The following PPARG variants were observed in gnomAD, a reference collection of about 807,000 sequenced individuals.
The protein encoded by PPARG is peroxisome proliferator activated receptor gamma.
A neutral mutation model predicts 39.2 loss-of-function variants in PPARG; 17 were observed. The ratio of observed to expected loss-of-function variants is 0.43; its 90% CI spans 0.30 to 0.65. The LOEUF (loss-of-function observed/expected upper bound fraction) is 0.65. Ranked by LOEUF, PPARG falls within the 30% of genes least tolerant of loss-of-function variation. The pLI is 0.13. For missense variants in PPARG, 406 were observed against 585.9 expected (o/e 0.69, Z 3.17); for synonymous variants, 223 against 215.7 (o/e 1.03, Z -0.30).
chr3:12,388,205 T>G (rs1431254928), intron 4 of PPARG, among the ~76,000 whole-genome samples: 1 of 152,194 alleles, frequency 6.6e-6, no homozygotes, highest in Non-Finnish European at 1.5e-5. Context: ...CAGAACCCTT[T>G]GAGAATTAAA....
chr3:12,311,904 T>G (rs1301017751), intron 1 of PPARG, among the ~76,000 whole-genome samples: 2 of 152,212 alleles, frequency 1.3e-5, no homozygotes, highest in African/African-American at 4.8e-5. Context: ...AATAACCATG[T>G]GTCATCTAGA....
At position 12,330,415 on chromosome 3, in the gene PPARG, T is replaced by G. The variant is rs907736067; in HGVS notation, c.-9+17962T>G. Among the ~76,000 whole-genome samples, 4 of 152,068 alleles carry G rather than the reference T, an allele frequency of 2.6e-5. No individual in the cohort carries two copies. In the South Asian group the frequency reaches 8.3e-4, roughly 32 times the overall value. On this transcript the variant is annotated intron_variant, in intron 2 of 7. Transcript: ENST00000651735. ...GATGTTAAGCATCTTTTCATGTGCTTATTGGTCATTTGTATGGGTTCTTTG... is the reference window on the plus strand; with the variant it reads ...GATGTTAAGCATCTTTTCATGTGCTGATTGGTCATTTGTATGGGTTCTTTG...
At chr3:12,425,531 G>T (rs1233177595) in intron 7 of PPARG, among the ~76,000 whole-genome samples, 1 of 152,106 alleles carries the variant, frequency 6.6e-6, no homozygotes, top group Non-Finnish European at 1.5e-5. Context: ...GCATCGCAGG[G>T]TAGAGCCACC....
At chr3:12,377,769 A>G (rs145198510) in intron 2 of PPARG, among the ~76,000 whole-genome samples, 48 of 152,284 alleles carry the variant, frequency 3.2e-4, no homozygotes, top group African/African-American at 1.1e-3. Flanking sequence ...ATCAAACTAG[A>G]AACTTCTTCA....
chr3:12,292,373 G>A (rs932296790), intron 1 of PPARG, among the ~76,000 whole-genome samples: 1 of 152,098 alleles, frequency 6.6e-6, no homozygotes, highest in Non-Finnish European at 1.5e-5. Flanking sequence ...AATTCTTAAC[G>A]TATATTCCCC....
At chr3:12,352,197 G>A (rs2048510211) in intron 2 of PPARG, among the ~76,000 whole-genome samples, 1 of 152,182 alleles carries the variant, frequency 6.6e-6, no homozygotes, top group Non-Finnish European at 1.5e-5. Context: ...CCAGAGTGTA[G>A]GACCAAGTGG....
At chr3:12,395,541 G>C (rs544299674) in intron 5 of PPARG, among the ~76,000 whole-genome samples, 3 of 152,098 alleles carry the variant, frequency 2.0e-5, no homozygotes, top group Non-Finnish European at 1.5e-5. Context: ...GTGACACATC[G>C]TCTACATGTT....
chr3:12,364,102 C>T (rs769004781), intron 2 of PPARG, among the ~76,000 whole-genome samples: 1 of 152,050 alleles, frequency 6.6e-6, no homozygotes, highest in African/African-American at 2.4e-5. Flanking sequence ...ATTCACTCTT[C>T]GTGTTATATT....
chr3:12,408,330 C>T (rs546871279), intron 6 of PPARG, among the ~76,000 whole-genome samples: 1 of 152,290 alleles, frequency 6.6e-6, no homozygotes, highest in South Asian at 2.1e-4. Flanking sequence ...TTGACTAGGA[C>T]TGCTGGCTTT....
rs185758565 is a variant in PPARG, at chr3:12,355,305, T to C, written c.-8-24399T>C. Among the ~76,000 whole-genome samples, 12 of 152,236 alleles carry C rather than the reference T, an allele frequency of 7.9e-5. No homozygotes were observed. The East Asian group carries it at 1.7e-3, about 22-fold the overall frequency. On this transcript the variant is annotated intron_variant, in intron 2 of 7. Transcript: ENST00000651735. ...CGTACCTTACCACACCCAGCAAATT[T>C]TTGTAATTTTTATAGAGACAGGATT...
chr3:12,356,918 A>G (rs1559505788), intron 2 of PPARG, among the ~76,000 whole-genome samples: 1 of 152,086 alleles, frequency 6.6e-6, no homozygotes, highest in African/African-American at 2.4e-5. Context: ...CTGTCCTTCA[A>G]GGTCAGCTTC....
intron 6 of PPARG, among the ~76,000 whole-genome samples, chr3:12,412,987 C>T (rs1335370706): frequency 6.6e-6 from 1 of 152,112 alleles, no homozygotes; most frequent in Admixed American, 6.6e-5. Context: ...CCTATAATGG[C>T]AATCTTTGGA....
chr3:12,295,140 A>G (rs1010842637), intron 1 of PPARG, among the ~76,000 whole-genome samples: 2 of 152,316 alleles, frequency 1.3e-5, no homozygotes, highest in East Asian at 1.9e-4. Flanking sequence ...CTGTGAATCT[A>G]AAACAGAGAA....
chr3:12,402,711 C>CAT (rs1226342048), intron 5 of PPARG, among the ~76,000 whole-genome samples: 1 of 152,080 alleles, frequency 6.6e-6, no homozygotes, highest in Non-Finnish European at 1.5e-5. Context: ...CCGTGGAAGA[C>CAT]ATATAATGTC....
At chr3:12,321,667 C>T (rs2047549178) in intron 2 of PPARG, among the ~76,000 whole-genome samples, 1 of 152,178 alleles carries the variant, frequency 6.6e-6, no homozygotes, top group African/African-American at 2.4e-5. Context: ...GAGAGCATTA[C>T]AGACTCTGTG....
chr3:12,355,521 T>C (rs866104726), intron 2 of PPARG, among the ~76,000 whole-genome samples: 2 of 152,176 alleles, frequency 1.3e-5, no homozygotes, highest in African/African-American at 4.8e-5. Context: ...TTTTTCTGAG[T>C]ATGGCTCTAG....
At chr3:12,377,266 T>G (rs1397384847) in intron 2 of PPARG, among the ~76,000 whole-genome samples, 1 of 152,212 alleles carries the variant, frequency 6.6e-6, no homozygotes, top group East Asian at 1.9e-4. Flanking sequence ...TTCCTTTGTC[T>G]TTTATGTGTT....
rs62242126 is a variant in PPARG, at chr3:12,362,327, G to A, written c.-8-17377G>A. ...GAGCTCAGGAGTTCGAGACCAGCCT[G>A]GCCAGCATAGTGAAACCCTGTCTCT... On this transcript the variant is annotated intron_variant, in intron 2 of 7. Transcript: ENST00000651735. Among the ~76,000 whole-genome samples the A allele has an allele frequency of 5.5e-3, 829 of 152,016 alleles. 7 individuals are homozygous for A. The highest frequency in any genetic ancestry group is 9.0e-3 in the Non-Finnish European group (615 of 67,958).
At chr3:12,407,613 T>A (rs541266319) in intron 6 of PPARG, among the ~76,000 whole-genome samples, 1 of 152,298 alleles carries the variant, frequency 6.6e-6, no homozygotes, top group South Asian at 2.1e-4. Flanking sequence ...CATGAACACC[T>A]CCCAGAGAGC....
Sources: gnomAD v4.1 joint callset for allele counts (sites outside exome capture counted in the v4.1 genomes callset) on GRCh38, gnomAD v4.1.1 for gene constraint, MANE v1.5 for transcripts, NCBI Gene and HGNC (gene_info 2026-07-23, HGNC 2026-07-21) for gene names.